Variants in CDK18 observed in about 807,000 individuals in gnomAD.
The protein encoded by CDK18 is cyclin dependent kinase 18, also known as cyclin-dependent kinase 18.
Under a neutral mutation model 62.0 loss-of-function variants are expected in CDK18, and 52 were observed. That is an observed-to-expected ratio of 0.84 (90% CI 0.67 to 1.06). The LOEUF is 1.06. Among genes scored for constraint, CDK18 ranks in the 50% least tolerant of loss-of-function variants. The probability of loss-of-function intolerance (pLI) is 0.00; values close to 1 mark genes in which losing one functional copy is unlikely to be tolerated. For synonymous variants in CDK18, 237 were observed against 247.0 expected (o/e 0.96, Z 0.38); for missense variants, 604 against 619.9 (o/e 0.97, Z 0.27).
chr1:205,513,551 G>A (rs901792891), intron 1 of CDK18, among the ~76,000 whole-genome samples: 28 of 152,242 alleles, frequency 1.8e-4, no homozygotes, highest in Non-Finnish European at 1.2e-4. Flanking sequence ...CAGCAGGGTG[G>A]ACATCAGTAG....
rs777828587 is a variant in CDK18, at chr1:205,529,421, C to T, written c.1170C>T (p.His390=). The T allele has an allele frequency of 3.7e-6, 6 of 1,613,804 alleles. No homozygotes were observed. The highest frequency in any genetic ancestry group is 1.1e-5 in the South Asian group (1 of 91,048). Residue 390 remains histidine, a synonymous_variant, in exon 12 of 16, where the codon CAC becomes CAT. Transcript: ENST00000429964. ...PCYLPQPLIN[H]APRLDTDGIH... ...ACCTCCCGCAGCCGCTCATCAACCA[C>T]GCGCCCAGGTAGCCCCTGCGCCCGC...
Position 205,527,757 on chromosome 1 carries a change from C to T in CDK18, c.730-37C>T. The T allele has an allele frequency of 6.2e-7, 1 of 1,608,868 alleles. No individual in the cohort carries two copies. Among genetic ancestry groups the T allele is most frequent in the Non-Finnish European group, 8.5e-7 (1 of 1,176,908 alleles). ...CAGCCTTGGAGCAGAGGCTCAGGGC[C>T]ACCTTCCACCCCACATTTCTCTTCC... is the stretch of plus-strand genomic sequence containing the variant. On this transcript the variant is annotated intron_variant, in intron 8 of 15. Transcript: ENST00000429964. This position sits in a 1 kb window ranked among gnomAD's most constrained non-coding sequence, Gnocchi z 4.1.
In CDK18 at chr1:205,524,318, G is replaced by T; in HGVS notation, c.360G>T (p.Leu120=). Reference sequence around the variant, plus strand: ...AGCTACAGATGGAGAGCCCAGATCTGCCCAAGCCGCTCAGCCGCATGTCCC... The same window carrying T: ...AGCTACAGATGGAGAGCCCAGATCTTCCCAAGCCGCTCAGCCGCATGTCCC... ...LQKLQMESPD[L]PKPLSRMSRR... is the part of the protein sequence containing the mutation. The change falls in exon 4 of 16, where the codon CTG becomes CTT. Residue 120 remains leucine (L), a synonymous_variant. Transcript: ENST00000429964. 1.2e-6 allele frequency: 2 copies of T among 1,614,098 alleles called. No homozygotes were observed. Among genetic ancestry groups the T allele is most frequent in the Non-Finnish European group, 1.7e-6 (2 of 1,180,026 alleles).
Position 205,531,584 on chromosome 1 carries a change from C to T in CDK18, c.*206C>T. 1 of 594,204 alleles carries T rather than the reference C, an allele frequency of 1.7e-6. No individual in the cohort carries two copies. The highest frequency in any genetic ancestry group is 3.1e-6 in the Non-Finnish European group (1 of 323,692). 36.8% of individuals were successfully genotyped at this position (594,204 alleles called of 1,614,324 possible). A position where few individuals can be genotyped will look rare whatever the true frequency, so the allele number is the denominator to read the frequency against. On this transcript the variant is annotated 3_prime_UTR_variant, in exon 16 of 16. Transcript: ENST00000429964. ...CCAGTAGCCCTCACCTGCATACCAA[C>T]CCCTCCTTTACCCACGTTGGGGCTG... is the stretch of plus-strand genomic sequence containing the variant.
At chr1:205,526,885 A>G (rs2102314649) in intron 8 of CDK18, 48 bp downstream of exon 8, 1 of 1,506,942 alleles carries the variant, frequency 6.6e-7, no homozygotes, top group Non-Finnish European at 9.2e-7. Flanking sequence ...CCACCTGTCC[A>G]GAAGCCCAGT....
In CDK18 at chr1:205,531,813, T is replaced by G. The variant is rs1023461966; in HGVS notation, c.*435T>G. The stretch of plus-strand genomic sequence containing the variant: ...TTGGTAGTCCCCCTTTCTGGCCCCT[T>G]GGAGCCCACACACGTTTCATCTTTT... On this transcript the variant is annotated 3_prime_UTR_variant, in exon 16 of 16. Coordinates refer to ENST00000429964, the MANE Select transcript of CDK18 (RefSeq NM_212502.3). 1.1e-5 allele frequency: 2 copies of G among 185,098 alleles called. No homozygotes were observed. Among genetic ancestry groups the G allele is most frequent in the Non-Finnish European group, 2.2e-5 (2 of 89,602 alleles). 11.5% of individuals were successfully genotyped at this position (185,098 alleles called of 1,614,324 possible).
At chr1:205,526,695 G>C in intron 7 of CDK18, 80 bp from the exon 8 acceptor site, 2 of 1,372,976 alleles carry the variant, frequency 1.5e-6, no homozygotes, top group Non-Finnish European at 2.1e-6. Flanking sequence ...CCAGGGAGGG[G>C]CTTCCTCTCC....
rs1364745205 is a variant in CDK18 at position 205,523,621 on chromosome 1, T to C, written c.269T>C (p.Met90Thr). The C allele has an allele frequency of 5.1e-6, 8 of 1,569,386 alleles. No individual in the cohort carries two copies. Among genetic ancestry groups the C allele is most frequent in the Non-Finnish European group, 6.9e-6 (8 of 1,157,196 alleles). The change falls in exon 3 of 16, where the codon ATG (methionine) becomes ACG (threonine). Residue 90 changes from methionine (M) to threonine (T), a missense_variant. Met to Thr is a moderately conservative substitution (Grantham distance 81, BLOSUM62 -1). Coordinates refer to ENST00000429964, the MANE Select transcript of CDK18 (RefSeq NM_212502.3). ...QRRQNQRRFSMEDVSKRLSLP... is the reference protein window; with the variant it reads ...QRRQNQRRFSTEDVSKRLSLP... ...CGGCAGAACCAGCGCCGCTTCTCCA[T>C]GGAGGTAAGGGCCTCTGGAGCTCTG...
intron 1 of CDK18, among the ~76,000 whole-genome samples, chr1:205,520,699 CA>C (rs11333790): frequency 0.71 from 96,851 of 135,586 alleles, 34,331 homozygotes; most frequent in Middle Eastern, 0.79. Context: ...GACTCTATCT[CA>C]AAAAAAAAAA....
At chr1:205,511,360 G>T (rs1053480473) in intron 1 of CDK18, among the ~76,000 whole-genome samples, 1 of 152,188 alleles carries the variant, frequency 6.6e-6, no homozygotes, top group Non-Finnish European at 1.5e-5. Flanking sequence ...ACGATGGCCC[G>T]CAAAGCCTAA....
chr1:205,518,210 A>G (rs1447447155), intron 1 of CDK18, among the ~76,000 whole-genome samples: 1 of 151,920 alleles, frequency 6.6e-6, no homozygotes, highest in Non-Finnish European at 1.5e-5. Context: ...AATTCCCATC[A>G]TTGCACTTGT....
chr1:205,508,014 G>A (rs1667395915), intron 1 of CDK18, among the ~76,000 whole-genome samples: 1 of 152,184 alleles, frequency 6.6e-6, no homozygotes, highest in Non-Finnish European at 1.5e-5. Flanking sequence ...CTCTTGCTCT[G>A]AGGGCCCTCT....
At chr1:205,520,427 T>A (rs1333100447) in intron 1 of CDK18, among the ~76,000 whole-genome samples, 1 of 152,144 alleles carries the variant, frequency 6.6e-6, no homozygotes, top group Non-Finnish European at 1.5e-5. Flanking sequence ...GGCTGAGTGC[T>A]GTGGCTCATG....
At position 205,528,207 on chromosome 1, in the gene CDK18, G is replaced by C. The variant is rs1181892879; in HGVS notation, c.974+39G>C. The C allele has an allele frequency of 6.2e-7, 1 of 1,608,014 alleles. No homozygotes were observed. The highest frequency in any genetic ancestry group is 1.7e-5 in the Admixed American group (1 of 59,854). On this transcript the variant is annotated intron_variant, in intron 10 of 15. Transcript: ENST00000429964. The surrounding 1 kb of genome is among the most constrained non-coding windows in gnomAD (Gnocchi z 4.2). ...GTGGGGACCGAGGAGGGGAGGACAGGCCTGGCCACACCTCCAGACTCTCCT... is the reference window on the plus strand; with the variant it reads ...GTGGGGACCGAGGAGGGGAGGACAGCCCTGGCCACACCTCCAGACTCTCCT...
chr1:205,530,876 T>C (rs528839150), intron 15 of CDK18, among the ~76,000 whole-genome samples, 171 bp downstream of exon 15: 4 of 152,178 alleles, frequency 2.6e-5, no homozygotes, highest in African/African-American at 9.6e-5. Context: ...GTCCAGCTCT[T>C]CCCTCCTCAA....
In CDK18 at chr1:205,527,500, A is replaced by AT; in HGVS notation, c.730-294_730-293insT. ...ACTCTAAAAGAAAAAAAAAAAAAAAAGGGATCAAGCACATATGTCTCCACA... is the reference window on the plus strand; with the variant it reads ...ACTCTAAAAGAAAAAAAAAAAAAAAATGGGATCAAGCACATATGTCTCCACA... On this transcript the variant is annotated intron_variant, in intron 8 of 15. Coordinates refer to ENST00000429964, the MANE Select transcript of CDK18 (RefSeq NM_212502.3). This position sits in a 1 kb window ranked among gnomAD's most constrained non-coding sequence, Gnocchi z 4.1. The AT allele has an allele frequency of 3.7e-6, 1 of 272,136 alleles. No homozygotes were observed. The highest frequency in any genetic ancestry group is 6.9e-6 in the Non-Finnish European group (1 of 144,712). The allele number at this position is 272,136 out of a possible 1,614,324, so 16.9% of individuals were successfully genotyped here. A position where few individuals can be genotyped will look rare whatever the true frequency, so the allele number is the denominator to read the frequency against.
intron 1 of CDK18, among the ~76,000 whole-genome samples, chr1:205,508,204 C>T (rs370328033): frequency 1.3e-5 from 2 of 152,252 alleles, no homozygotes; most frequent in East Asian, 3.8e-4. Flanking sequence ...ACCATAACCC[C>T]TTACGTCCCC....
At chr1:205,518,467 C>T (rs1009719748) in intron 1 of CDK18, among the ~76,000 whole-genome samples, 1 of 152,148 alleles carries the variant, frequency 6.6e-6, no homozygotes, top group Admixed American at 6.5e-5. Flanking sequence ...AAGTTTGAAA[C>T]TGAGTTTGTT....
intron 1 of CDK18, among the ~76,000 whole-genome samples, chr1:205,506,385 C>A (rs1021616491): frequency 7.2e-5 from 11 of 152,060 alleles, no homozygotes; most frequent in African/African-American, 2.2e-4. Flanking sequence ...ACTCTCCCCA[C>A]TGGGTCCCCA....
Sources: gnomAD v4.1 joint callset for allele counts (sites outside exome capture counted in the v4.1 genomes callset) on GRCh38, gnomAD v4.1.1 for gene constraint, Gnocchi (gnomAD v3.1) non-coding constraint, MANE v1.5 for transcripts, NCBI Gene and HGNC (gene_info 2026-07-23, HGNC 2026-07-21) for gene names.